Variants in CARD14 observed in about 807,000 individuals in gnomAD.
The protein encoded by CARD14 is caspase recruitment domain family member 14.
Under a neutral mutation model 111.5 loss-of-function variants are expected in CARD14, and 107 were observed. The observed-to-expected ratio is 0.96, with a 90% CI of 0.82 to 1.13. The LOEUF is 1.13. Ranked by LOEUF, CARD14 falls within the 50% of genes most tolerant of loss-of-function variation. The pLI is 0.00. For missense variants in CARD14, 1,322 were observed against 1,362.3 expected, an observed-to-expected ratio of 0.97 and a Z score of 0.47; for synonymous variants, 617 against 579.6, an observed-to-expected ratio of 1.06 and a Z score of -0.93.
intron 2 of CARD14, among the ~76,000 whole-genome samples, chr17:80,175,354 T>C (rs1297590179): frequency 6.6e-6 from 1 of 152,192 alleles, no homozygotes; most frequent in African/African-American, 2.4e-5. Flanking sequence ...CACTTATTTA[T>C]TTTTTTAACT....
At chr17:80,202,743 G>A in intron 18 of CARD14, 1 of 521,514 alleles carries the variant, frequency 1.9e-6, no homozygotes, top group South Asian at 3.4e-5. Flanking sequence ...AGGATATAGA[G>A]CAGCATCCCT....
chr17:80,193,425 C>CCAGACATGAGTTTCCAGGGGACCCGAT (rs1402293170), intron 12 of CARD14, among the ~76,000 whole-genome samples: 5 of 151,792 alleles, frequency 3.3e-5, no homozygotes, highest in Admixed American at 6.6e-5. Flanking sequence ...CACATGGTCC[C>CCAGACATGAGTTTCCAGGGGACCCGAT]TGGGATGCCG....
rs1280506350 is a variant in CARD14 at position 80,207,319 on chromosome 17, G to A, written c.2807+234G>A. Among the ~76,000 whole-genome samples the A allele has an allele frequency of 2.0e-5, 3 of 152,248 alleles. 1 individual carries two copies. Among genetic ancestry groups the A allele is most frequent in the Non-Finnish European group, 4.4e-5 (3 of 68,042 alleles). On this transcript the variant is annotated intron_variant, in intron 23 of 23. Transcript: ENST00000648509. ...TAATCCCAGCACTTTGGGAGGCCAG[G>A]GTGGGCAGATTGCTTGAGGTCAGCA... is the stretch of plus-strand genomic sequence containing the variant.
In CARD14 at chr17:80,189,959, C is replaced by T; in HGVS notation, c.963+87C>T. 6.7e-7 allele frequency: 1 copy of T among 1,494,976 alleles called. No homozygotes were observed. 92.6% of individuals were successfully genotyped at this position (1,494,976 alleles called of 1,614,324 possible). ...GGTCTGTGGGGAAGCCAGATTCCTT[C>T]ATCCACGCCGAGCTCACATAATTTT... On this transcript the variant is annotated intron_variant, in intron 9 of 23. Transcript: ENST00000648509. This position sits in a 1 kb window ranked among gnomAD's most constrained non-coding sequence, Gnocchi z 4.7.
Position 80,189,790 on chromosome 17 carries a change from C to T in CARD14, c.881C>T (p.Ala294Val), listed in dbSNP as rs139466192. 289 of 1,585,902 alleles carry T rather than the reference C, an allele frequency of 1.8e-4. No homozygotes were observed. The highest frequency in any genetic ancestry group is 2.2e-4 in the Non-Finnish European group (257 of 1,170,208). ...KDILEQSLDEARGSRQELVER... is the reference protein window; with the variant it reads ...KDILEQSLDEVRGSRQELVER... The stretch of plus-strand genomic sequence containing the variant: ...ATTCTGGAGCAGAGCCTGGACGAGG[C>T]GCGGGGGAGCCGACAGGAGCTGGTG... Residue 294 changes from alanine (A) to valine (V), a missense_variant, in exon 9 of 24, where the codon GCG becomes GTG. Physicochemically the swap from Ala to Val is moderately conservative, Grantham distance 64. Coordinates refer to ENST00000648509, the MANE Select transcript of CARD14 (RefSeq NM_001366385.1). This position sits in a 1 kb window ranked among gnomAD's most constrained non-coding sequence, Gnocchi z 4.7.
chr17:80,173,326 G>C (rs58662486), intron 2 of CARD14, 98 bp downstream of exon 2: 1 of 75,584 alleles, frequency 1.3e-5, no homozygotes, highest in Non-Finnish European at 3.0e-5. Flanking sequence ...ACACACACAC[G>C]CGCGCGCGCG....
In CARD14 at chr17:80,195,535, C is replaced by T; in HGVS notation, c.1500-23C>T. The T allele has an allele frequency of 6.3e-7, 1 of 1,599,684 alleles. No homozygotes were observed. The highest frequency in any genetic ancestry group is 8.5e-7 in the Non-Finnish European group (1 of 1,173,540). ...AGGGAGCAGGTGATGCAGTTTGAGC[C>T]TGCTGCTGCTTATGCTTTGCAGCAG... On this transcript the variant is annotated intron_variant, in intron 13 of 23. Coordinates refer to ENST00000648509, the MANE Select transcript of CARD14 (RefSeq NM_001366385.1). This position sits in a 1 kb window ranked among gnomAD's most constrained non-coding sequence, Gnocchi z 4.7.
intron 2 of CARD14, among the ~76,000 whole-genome samples, chr17:80,176,643 G>A (rs535574460): frequency 6.6e-5 from 10 of 152,280 alleles, no homozygotes; most frequent in Admixed American, 6.5e-4. Flanking sequence ...AAGACCCCTC[G>A]GTGATGCAGG....
At chr17:80,204,375 GC>G (rs943502793) in intron 20 of CARD14, 34 bp downstream of exon 20, 2 of 1,510,324 alleles carry the variant, frequency 1.3e-6, no homozygotes, top group Non-Finnish European at 1.8e-6. Flanking sequence ...GGGGCCACTG[GC>G]TCCAAGTGGG....
chr17:80,205,845 G>A (rs1019230552), intron 22 of CARD14, 193 bp downstream of exon 22: 4 of 518,850 alleles, frequency 7.7e-6, no homozygotes, highest in Non-Finnish European at 1.3e-5. Flanking sequence ...GACTGTGGGT[G>A]AGGTCTCCCA....
At position 80,205,633 on chromosome 17, in the gene CARD14, T is replaced by TG. The variant is rs1460260967; in HGVS notation, c.2674dup (p.Glu892GlyfsTer82). On this transcript the variant is annotated frameshift_variant, in exon 22 of 24. Transcript: ENST00000648509. LOFTEE classifies it high-confidence loss of function. ...CGCTGCTGGGTGACCCGCCATGCTGTGGAGTCCCTCATGGAAAAGGTGAGG... is the reference window on the plus strand; with the variant it reads ...CGCTGCTGGGTGACCCGCCATGCTGTGGGAGTCCCTCATGGAAAAGGTGAGG... 1 of 1,554,382 alleles carries TG rather than the reference T, an allele frequency of 6.4e-7. No homozygotes were observed. Among genetic ancestry groups the TG allele is most frequent in the African/African-American group, 1.4e-5 (1 of 73,108 alleles).
In CARD14 at chr17:80,205,094, C is replaced by T. The variant is rs11652075; in HGVS notation, c.2458C>T (p.Arg820Trp). 0.47 allele frequency: 757,906 copies of T among 1,612,294 alleles called. 183,807 individuals are homozygous for T. Among genetic ancestry groups the T allele is most frequent in the East Asian group, 0.54 (24,232 of 44,824 alleles). ...CLTLVPYTLVRPHRPARPRPV... is the reference protein window; with the variant it reads ...CLTLVPYTLVWPHRPARPRPV... ...CACCCTGGTGCCCTATACCCTGGTG[C>T]GGCCCCATCGACCCGCCCGGCCCCG... The change falls in exon 21 of 24, where the codon CGG becomes TGG. Residue 820 changes from arginine to tryptophan, a missense_variant. Coordinates refer to ENST00000648509, the MANE Select transcript of CARD14 (RefSeq NM_001366385.1).
rs1414906812 is a variant in CARD14, at chr17:80,198,106, G to A, written c.1602G>A (p.Pro534=). ...CTCTTGGCTTCCTCCCAGACCTTCCGCAGCTGGAAAGCAGCCTGCAGCCAG... is the reference window on the plus strand; with the variant it reads ...CTCTTGGCTTCCTCCCAGACCTTCCACAGCTGGAAAGCAGCCTGCAGCCAG... The part of the protein sequence containing the change: ...DYELLDTADL[P]QLESSLQPVS... The change falls in exon 15 of 24, where the codon CCG becomes CCA. Residue 534 remains proline (P), a synonymous_variant. Coordinates refer to ENST00000648509, the MANE Select transcript of CARD14 (RefSeq NM_001366385.1). The surrounding 1 kb of genome is among the most constrained non-coding windows in gnomAD (Gnocchi z 7.5). The A allele has an allele frequency of 3.1e-6, 5 of 1,613,466 alleles. No homozygotes were observed. Among genetic ancestry groups the A allele is most frequent in the Admixed American group, 1.7e-5 (1 of 60,000 alleles).
intron 16 of CARD14, among the ~76,000 whole-genome samples, chr17:80,200,069 C>T (rs2040888037): frequency 6.6e-6 from 1 of 151,614 alleles, no homozygotes; most frequent in Non-Finnish European, 1.5e-5. Context: ...TGCGTCTGAA[C>T]CCCTCAGGCA....
chr17:80,195,303 AG>A lies in CARD14; in HGVS notation c.1471del (p.Asp491ThrfsTer38). 1 of 1,612,726 alleles carries A rather than the reference AG, an allele frequency of 6.2e-7. No homozygotes were observed. Among genetic ancestry groups the A allele is most frequent in the Middle Eastern group, 1.7e-4 (1 of 6,058 alleles). On this transcript the variant is annotated frameshift_variant, in exon 13 of 24. Transcript: ENST00000648509. LOFTEE classifies it high-confidence loss of function. The surrounding 1 kb of genome is among the most constrained non-coding windows in gnomAD (Gnocchi z 4.7). ...SQQSLYKRVA[E>X]DFGEEPWSFS... ...CAGTCCCTGTACAAGCGGGTGGCCG[AG>A]GACTTCGGGGAAGAACCCTGGTCTT... is the stretch of plus-strand genomic sequence containing the variant.
At position 80,182,148 on chromosome 17, in the gene CARD14, C is replaced by T. The variant is rs76088285; in HGVS notation, c.211+499C>T. 8.0e-3 allele frequency among the ~76,000 whole-genome samples: 1,225 copies of T among 152,302 alleles called. 16 individuals carry two copies. The highest frequency in any genetic ancestry group is 0.028 in the African/African-American group (1,176 of 41,562). ...ACCCCAAACACAGGAGAGATTGATG[C>T]ACGCTGGTCATTCTGGCTGAGAGAG... On this transcript the variant is annotated intron_variant, in intron 5 of 23. Coordinates refer to ENST00000648509, the MANE Select transcript of CARD14 (RefSeq NM_001366385.1). This position sits in a 1 kb window ranked among gnomAD's most constrained non-coding sequence, Gnocchi z 4.7.
chr17:80,172,063 T>C (rs1352069834), intron 1 of CARD14, among the ~76,000 whole-genome samples: 1 of 152,240 alleles, frequency 6.6e-6, no homozygotes, highest in African/African-American at 2.4e-5. Flanking sequence ...GCTGGAGATG[T>C]GGCCCCTTGG....
At position 80,208,545 on chromosome 17, in the gene CARD14, T is replaced by G; in HGVS notation, c.*200T>G. 1.9e-6 allele frequency: 1 copy of G among 513,358 alleles called. No individual in the cohort carries two copies. The highest frequency in any genetic ancestry group is 3.3e-5 in the South Asian group (1 of 30,206). The allele number at this position is 513,358 out of a possible 1,614,324, so 31.8% of individuals were successfully genotyped here. ...GAAGCCACTTGTAACTGCACACTTT[T>G]CTGTGGAAACATCTTCACCCTTTAC... On this transcript the variant is annotated 3_prime_UTR_variant, in exon 24 of 24. Coordinates refer to ENST00000648509, the MANE Select transcript of CARD14 (RefSeq NM_001366385.1).
At chr17:80,191,565 C>A (rs1026946480) in intron 11 of CARD14, 93 bp downstream of exon 11, 14 of 1,500,322 alleles carry the variant, frequency 9.3e-6, no homozygotes, top group Non-Finnish European at 1.0e-5. Flanking sequence ...CATGGAGGCA[C>A]TGGGAGGACA....
Sources: allele counts gnomAD v4.1 joint callset (sites outside exome capture counted in the v4.1 genomes callset), GRCh38; gene constraint gnomAD v4.1.1; non-coding constraint Gnocchi (gnomAD v3.1); transcripts MANE v1.5; gene names NCBI Gene and HGNC (gene_info 2026-07-23, HGNC 2026-07-21).